Variants in KCNK1 observed in about 807,000 individuals in gnomAD.
KCNK1 encodes potassium two pore domain channel subfamily K member 1.
In KCNK1, 10 loss-of-function variants were observed where a neutral mutation model predicts 22.2. The observed-to-expected ratio is 0.45, with a 90% CI of 0.28 to 0.76. The LOEUF (loss-of-function observed/expected upper bound fraction) is 0.76. KCNK1 is among the 30% of genes least tolerant of loss of function. The pLI is 0.14. For missense variants in KCNK1, 378 were observed against 421.0 expected, an observed-to-expected ratio of 0.90 and a Z score of 0.89; for synonymous variants, 200 against 186.4, an observed-to-expected ratio of 1.07 and a Z score of -0.60.
At chr1:233,647,274 T>A (rs539044838) in intron 1 of KCNK1, among the ~76,000 whole-genome samples, 14 of 152,210 alleles carry the variant, frequency 9.2e-5, no homozygotes, top group Non-Finnish European at 1.5e-4. Context: ...CCATTCATCT[T>A]GAGGGAGGCT....
chr1:233,645,066 C>T lies in KCNK1; in HGVS notation c.356-21529C>T, dbSNP rs997140425. ...AAAATTAGCTGGGTGTGGTGGCGGGCGCCTGTAGTCCCAGCTACTTGGAAG... is the reference window on the plus strand; with the variant it reads ...AAAATTAGCTGGGTGTGGTGGCGGGTGCCTGTAGTCCCAGCTACTTGGAAG... On this transcript the variant is annotated intron_variant, in intron 1 of 2. Transcript: ENST00000366621. 7.3e-5 allele frequency among the ~76,000 whole-genome samples: 11 copies of T among 150,502 alleles called. No individual in the cohort carries two copies. The East Asian group carries it at 1.6e-3, about 21-fold the overall frequency.
chr1:233,623,797 T>G (rs701212), intron 1 of KCNK1, among the ~76,000 whole-genome samples: 39,038 of 151,944 alleles, frequency 0.26, 5,302 homozygotes, highest in East Asian at 0.37. Context: ...CCATGTTGGT[T>G]GCCATGCTGG....
intron 1 of KCNK1, among the ~76,000 whole-genome samples, chr1:233,638,002 A>G (rs1657933056): frequency 6.6e-6 from 1 of 151,670 alleles, no homozygotes; most frequent in Non-Finnish European, 1.5e-5. Flanking sequence ...GAAAAATGAA[A>G]AAAAAAAACA....
intron 1 of KCNK1, among the ~76,000 whole-genome samples, chr1:233,653,291 A>T (rs1235792852): frequency 6.6e-6 from 1 of 152,136 alleles, no homozygotes. Flanking sequence ...GGCATGCCCC[A>T]CTTTTGAAAC....
At chr1:233,629,790 C>T (rs1013808192) in intron 1 of KCNK1, 9 of 152,266 alleles carry the variant, frequency 5.9e-5, no homozygotes, top group Non-Finnish European at 1.2e-4. Context: ...CGGAGCTTGT[C>T]ATGGACAGCT....
intron 1 of KCNK1, among the ~76,000 whole-genome samples, chr1:233,622,288 C>G (rs550363562): frequency 2.0e-5 from 3 of 152,350 alleles, no homozygotes; most frequent in African/African-American, 7.2e-5. Flanking sequence ...GCCTCATATA[C>G]TCTGACATAC....
chr1:233,671,225 A>T (rs1239622037), intron 2 of KCNK1, 46 bp from the exon 3 acceptor site: 1 of 1,588,054 alleles, frequency 6.3e-7, no homozygotes, highest in African/African-American at 1.3e-5. Flanking sequence ...TACTTGATTT[A>T]TCCATGTTGA....
intron 2 of KCNK1, among the ~76,000 whole-genome samples, chr1:233,668,400 C>CAGTG (rs1276134003): frequency 1.3e-5 from 2 of 152,192 alleles, no homozygotes; most frequent in African/African-American, 4.8e-5. Context: ...ATGCTTTGAA[C>CAGTG]AGTGCCTGGC....
At chr1:233,615,489 A>G (rs781166397) in intron 1 of KCNK1, among the ~76,000 whole-genome samples, 13 of 152,320 alleles carry the variant, frequency 8.5e-5, no homozygotes, top group Non-Finnish European at 1.6e-4. Context: ...ATCAATTGGT[A>G]TTTGGACAGT....
chr1:233,624,567 A>G (rs1657652226), intron 1 of KCNK1, among the ~76,000 whole-genome samples: 1 of 152,198 alleles, frequency 6.6e-6, no homozygotes, highest in Admixed American at 6.5e-5. Flanking sequence ...AAAAGGAGCA[A>G]CTTAAGGCAC....
intron 1 of KCNK1, among the ~76,000 whole-genome samples, chr1:233,622,860 C>T (rs1344233530): frequency 6.6e-6 from 1 of 152,090 alleles, no homozygotes; most frequent in Admixed American, 6.6e-5. Flanking sequence ...AATTTGCTAC[C>T]GTCTGCTTGA....
rs58722587 is a variant in KCNK1, at chr1:233,628,760, AAATAATAAT to A, written c.355+14249_355+14257del. On this transcript the variant is annotated intron_variant, in intron 1 of 2. Coordinates refer to ENST00000366621, the MANE Select transcript of KCNK1 (RefSeq NM_002245.4). ...GGGCAACAGAGCAAGACTCTGTCTCAAATAATAATAATAATAATAATAAATTTTAAAAGC... is the reference window on the plus strand; with the variant it reads ...GGGCAACAGAGCAAGACTCTGTCTCAAATAATAATAATAAATTTTAAAAGC... 3.4e-5 allele frequency among the ~76,000 whole-genome samples: 5 copies of A among 148,794 alleles called. No individual in the cohort carries two copies. The East Asian group carries it at 9.8e-4, about 29-fold the overall frequency.
At chr1:233,645,921 A>G (rs1658084240) in intron 1 of KCNK1, among the ~76,000 whole-genome samples, 1 of 152,194 alleles carries the variant, frequency 6.6e-6, no homozygotes, top group African/African-American at 2.4e-5. Context: ...AGGGAAAGAA[A>G]AAAAAGCTTC....
At chr1:233,656,645 A>G (rs748144507) in intron 1 of KCNK1, among the ~76,000 whole-genome samples, 6 of 152,144 alleles carry the variant, frequency 3.9e-5, no homozygotes, top group Admixed American at 3.9e-4. Context: ...TTTGGGACAG[A>G]GTCTCTCGTC....
At chr1:233,632,401 G>C (rs1270518288) in intron 1 of KCNK1, among the ~76,000 whole-genome samples, 2 of 152,204 alleles carry the variant, frequency 1.3e-5, no homozygotes, top group African/African-American at 4.8e-5. Flanking sequence ...ATTTTGACCA[G>C]ATAGGATGGT....
At chr1:233,628,001 G>A (rs1214124710) in intron 1 of KCNK1, among the ~76,000 whole-genome samples, 1 of 152,214 alleles carries the variant, frequency 6.6e-6, no homozygotes, top group Non-Finnish European at 1.5e-5. Flanking sequence ...ACTATGTTTT[G>A]TGCGTTGACT....
chr1:233,652,546 G>A (rs1418529751), intron 1 of KCNK1, among the ~76,000 whole-genome samples: 3 of 152,148 alleles, frequency 2.0e-5, no homozygotes, highest in Non-Finnish European at 4.4e-5. Context: ...ATAACATACC[G>A]AATGCTTTCC....
At chr1:233,625,568 A>G (rs1283364040) in intron 1 of KCNK1, among the ~76,000 whole-genome samples, 2 of 152,062 alleles carry the variant, frequency 1.3e-5, no homozygotes, top group East Asian at 3.9e-4. Flanking sequence ...TTGGGTTATC[A>G]TTTTCTGAGC....
chr1:233,644,032 G>T (rs1241141706), intron 1 of KCNK1, among the ~76,000 whole-genome samples: 1 of 152,160 alleles, frequency 6.6e-6, no homozygotes, highest in Non-Finnish European at 1.5e-5. Context: ...TGCTGTAAGA[G>T]AATACCACTG....
Sources: gnomAD v4.1 joint callset for allele counts (sites outside exome capture counted in the v4.1 genomes callset) on GRCh38, gnomAD v4.1.1 for gene constraint, MANE v1.5 for transcripts, NCBI Gene and HGNC (gene_info 2026-07-23, HGNC 2026-07-21) for gene names.